KIAA1328: variants seen among roughly 807,000 people sequenced by gnomAD.
The protein encoded by KIAA1328 is protein hinderin.
A neutral mutation model predicts 68.1 loss-of-function variants in KIAA1328; 52 were observed. That is an observed-to-expected ratio of 0.76 (90% confidence interval 0.61 to 0.96). The LOEUF (loss-of-function observed/expected upper bound fraction) is 0.96. Ranked by LOEUF, KIAA1328 falls within the 40% of genes least tolerant of loss-of-function variation. The pLI is 0.00. For missense variants in KIAA1328, 641 were observed against 677.6 expected, an observed-to-expected ratio of 0.95 and a Z score of 0.60; for synonymous variants, 232 against 239.4, an observed-to-expected ratio of 0.97 and a Z score of 0.28.
chr18:37,150,926 C>T (rs2059015225), intron 7 of KIAA1328, among the ~76,000 whole-genome samples: 1 of 152,014 alleles, frequency 6.6e-6, no homozygotes. Context: ...CCACTCTTAC[C>T]ACTTTTATTC....
At chr18:36,981,318 C>T (rs1197840745) in intron 6 of KIAA1328, among the ~76,000 whole-genome samples, 2 of 114,016 alleles carry the variant, frequency 1.8e-5, no homozygotes, top group Non-Finnish European at 4.4e-5. Flanking sequence ...CAGAATAAAC[C>T]GTAACTAAAC....
chr18:36,829,473 T>C, intron 1 of KIAA1328: 3 of 1,269,840 alleles, frequency 2.4e-6, no homozygotes, highest in Non-Finnish European at 3.0e-6. Context: ...GAGTCCAGGC[T>C]CAGTCCAGGG....
chr18:37,188,491 T>C (rs528359431), intron 9 of KIAA1328, among the ~76,000 whole-genome samples: 3 of 152,314 alleles, frequency 2.0e-5, no homozygotes, highest in African/African-American at 7.2e-5. Flanking sequence ...GGAACTGGCC[T>C]GAAACCACTA....
chr18:37,139,492 TAGC>T (rs1465472946), intron 7 of KIAA1328, among the ~76,000 whole-genome samples: 1 of 152,172 alleles, frequency 6.6e-6, no homozygotes, highest in African/African-American at 2.4e-5. Flanking sequence ...TCCTTTCAAA[TAGC>T]AGGTGGAATT....
rs1039539699 is a variant in KIAA1328 at position 37,225,227 on chromosome 18, C to T, written c.*3000C>T. On this transcript the variant is annotated 3_prime_UTR_variant, in exon 10 of 10. Coordinates refer to ENST00000280020, the MANE Select transcript of KIAA1328 (RefSeq NM_020776.3). ...AGATGGAGGCTGTGGCGGACTCCTT[C>T]CAACTCACGATTTATCCTCAGCTCA... 1 of 985,456 alleles carries T rather than the reference C, an allele frequency of 1.0e-6. No homozygotes were observed. Among genetic ancestry groups the T allele is most frequent in the Non-Finnish European group, 1.2e-6 (1 of 829,934 alleles). The allele number at this position is 985,456 out of a possible 1,614,324, so 61.0% of individuals were successfully genotyped here.
chr18:37,141,991 A>G (rs1367162237), intron 7 of KIAA1328, among the ~76,000 whole-genome samples: 1 of 152,210 alleles, frequency 6.6e-6, no homozygotes, highest in African/African-American at 2.4e-5. Flanking sequence ...TTCTCCCAGT[A>G]TGTGACTTAA....
intron 6 of KIAA1328, among the ~76,000 whole-genome samples, chr18:37,011,914 A>G (rs1004260977): frequency 6.6e-6 from 1 of 152,112 alleles, no homozygotes; most frequent in Non-Finnish European, 1.5e-5. Flanking sequence ...TTATACAGTA[A>G]GAAAGATGAA....
intron 6 of KIAA1328, among the ~76,000 whole-genome samples, chr18:37,050,223 C>CA (rs1045784701): frequency 4.0e-5 from 6 of 148,690 alleles, no homozygotes; most frequent in Admixed American, 2.7e-4. Flanking sequence ...AGGGTGGCAC[C>CA]AAAAAAAGAA....
In KIAA1328 at chr18:36,878,811, A is replaced by G. The variant is rs184551259; in HGVS notation, c.333-6746A>G. 7.9e-5 allele frequency among the ~76,000 whole-genome samples: 12 copies of G among 152,216 alleles called. 1 individual carries two copies. In the East Asian group the frequency reaches 1.5e-3, roughly 20 times the overall value. ...TTTCTTTTGGTTGATCAACTCGGCT[A>G]TTGATACTTGTGTATGCTTCACGAA... is the stretch of plus-strand genomic sequence containing the variant. On this transcript the variant is annotated intron_variant, in intron 4 of 9. Coordinates refer to ENST00000280020, the MANE Select transcript of KIAA1328 (RefSeq NM_020776.3).
chr18:36,897,922 C>T (rs1200768515), intron 5 of KIAA1328, among the ~76,000 whole-genome samples: 1 of 151,896 alleles, frequency 6.6e-6, no homozygotes, highest in Non-Finnish European at 1.5e-5. Flanking sequence ...TATGGAAAGC[C>T]CTATTGGTAA....
chr18:36,830,556 T>C (rs1343772689), intron 1 of KIAA1328, among the ~76,000 whole-genome samples: 10 of 152,172 alleles, frequency 6.6e-5, no homozygotes, highest in African/African-American at 2.2e-4. Context: ...CCTATGGTAC[T>C]GTTCAAATAT....
intron 8 of KIAA1328, among the ~76,000 whole-genome samples, chr18:37,162,354 T>G (rs1415027729): frequency 2.0e-5 from 3 of 152,180 alleles, no homozygotes; most frequent in African/African-American, 7.2e-5. Flanking sequence ...CTACTGACTT[T>G]CTTTTCTACT....
At chr18:37,151,086 A>C (rs2059018350) in intron 7 of KIAA1328, among the ~76,000 whole-genome samples, 1 of 152,204 alleles carries the variant, frequency 6.6e-6, no homozygotes, top group African/African-American at 2.4e-5. Context: ...AAGTGAATTT[A>C]ACACAATCAC....
chr18:37,127,323 A>G (rs1287888782), intron 7 of KIAA1328, among the ~76,000 whole-genome samples: 2 of 152,220 alleles, frequency 1.3e-5, no homozygotes, highest in African/African-American at 2.4e-5. Context: ...CACGTTCATA[A>G]TACCATTAAA....
chr18:37,200,118 G>A (rs1016842095), intron 9 of KIAA1328, among the ~76,000 whole-genome samples: 9 of 152,196 alleles, frequency 5.9e-5, no homozygotes, highest in African/African-American at 1.9e-4. Flanking sequence ...CAACCTAAAA[G>A]GAAGAGCCTG....
chr18:36,985,480 A>G (rs1402403941), intron 6 of KIAA1328, among the ~76,000 whole-genome samples: 4 of 152,194 alleles, frequency 2.6e-5, no homozygotes, highest in Non-Finnish European at 5.9e-5. Context: ...TAAACCTACA[A>G]TATGGGATGG....
At chr18:37,126,502 A>G (rs1325485040) in intron 7 of KIAA1328, among the ~76,000 whole-genome samples, 1 of 152,180 alleles carries the variant, frequency 6.6e-6, no homozygotes, top group African/African-American at 2.4e-5. Flanking sequence ...TAGAAGGCTT[A>G]GGTCCCAGAT....
rs368650756 is a variant in KIAA1328, at chr18:37,067,381, A to G, written c.1068A>G (p.Glu356=). Residue 356 remains glutamate, a synonymous_variant, in exon 7 of 10, where the codon GAA becomes GAG. Transcript: ENST00000280020. ...VHGGGALQPI[E]TLKKQISEDR... is the part of the protein sequence containing the mutation. ...GTGGTGGGGCACTGCAACCCATTGA[A>G]ACTTTGAAAAAGCAGATCTCAGAAG... 2 of 1,613,474 alleles carry G rather than the reference A, an allele frequency of 1.2e-6. No individual in the cohort carries two copies. The highest frequency in any genetic ancestry group is 1.7e-6 in the Non-Finnish European group (2 of 1,179,710).
intron 4 of KIAA1328, among the ~76,000 whole-genome samples, chr18:36,855,788 T>C (rs2047363043): frequency 6.6e-6 from 1 of 151,870 alleles, no homozygotes; most frequent in African/African-American, 2.4e-5. Context: ...TATATTTAAG[T>C]ATTTATTTAA....
Sources: gnomAD v4.1 joint callset for allele counts (sites outside exome capture counted in the v4.1 genomes callset) on GRCh38, gnomAD v4.1.1 for gene constraint, MANE v1.5 for transcripts, NCBI Gene and HGNC (gene_info 2026-07-23, HGNC 2026-07-21) for gene names.